The following AKAP19 variants were observed in gnomAD, a reference collection of about 807,000 sequenced individuals.
AKAP19 encodes the protein A-kinase anchoring protein 19, also known as small A-kinase anchoring protein.
At chr2:190,049,871 A>G in the AKAP19 span, among the ~76,000 whole-genome samples, 2,199 of 152,324 alleles carry the variant, frequency 0.014, 62 homozygotes, top group African/African-American at 0.05. Flanking sequence ...GGATACACAT[A>G]TATATCTACT....
chr2:190,108,775 T>G, the AKAP19 span, among the ~76,000 whole-genome samples: 1 of 139,504 alleles, frequency 7.2e-6, no homozygotes, highest in African/African-American at 2.6e-5. Flanking sequence ...CTATTTTGCC[T>G]GTTTGCGGTT....
chr2:189,917,689 G>C, the AKAP19 span: 1 of 250,398 alleles, frequency 4.0e-6, no homozygotes, highest in Non-Finnish European at 7.9e-6. Context: ...GGTTGATCTT[G>C]AGAAGTTATT....
the AKAP19 span, among the ~76,000 whole-genome samples, chr2:189,900,113 A>G: frequency 6.6e-6 from 1 of 152,210 alleles, no homozygotes; most frequent in Non-Finnish European, 1.5e-5. Flanking sequence ...GCAGCATATT[A>G]TTTCATTATA....
At chr2:190,004,590 T>C in the AKAP19 span, among the ~76,000 whole-genome samples, 5 of 152,084 alleles carry the variant, frequency 3.3e-5, no homozygotes, top group Admixed American at 3.3e-4. Flanking sequence ...TTTATTTTTT[T>C]TTTTTGAGAG....
chr2:190,066,577 G>A, the AKAP19 span, among the ~76,000 whole-genome samples: 3 of 152,118 alleles, frequency 2.0e-5, no homozygotes, highest in Non-Finnish European at 2.9e-5. Context: ...AATCTGCATA[G>A]TACTCAACTC....
chr2:190,044,725 G>C, the AKAP19 span, among the ~76,000 whole-genome samples: 460 of 152,324 alleles, frequency 3.0e-3, no homozygotes, highest in Non-Finnish European at 4.6e-3. Flanking sequence ...TTGGGGCCTA[G>C]TTGCCTAGGC....
the AKAP19 span, among the ~76,000 whole-genome samples, chr2:190,025,722 A>G: frequency 6.6e-6 from 1 of 152,184 alleles, no homozygotes; most frequent in Non-Finnish European, 1.5e-5. Context: ...CATCGATATA[A>G]CTGAAACTCT....
At chr2:189,966,426 A>G in the AKAP19 span, among the ~76,000 whole-genome samples, 1,453 of 152,194 alleles carry the variant, frequency 9.5e-3, 28 homozygotes, top group African/African-American at 0.032. Flanking sequence ...CCTTCAAAGG[A>G]CAATAAAGCA....
chr2:190,007,514 T>C, the AKAP19 span, among the ~76,000 whole-genome samples: 44 of 152,274 alleles, frequency 2.9e-4, no homozygotes, highest in Middle Eastern at 3.4e-3. Context: ...TTAGGATGTT[T>C]TTAATTTAGA....
chr2:189,949,245 G>A, the AKAP19 span, among the ~76,000 whole-genome samples: 1 of 152,120 alleles, frequency 6.6e-6, no homozygotes, highest in Non-Finnish European at 1.5e-5. Flanking sequence ...TAGATGTGGA[G>A]TGCTGACTGT....
the AKAP19 span, among the ~76,000 whole-genome samples, chr2:190,158,212 G>C: frequency 6.6e-6 from 1 of 152,098 alleles, no homozygotes; most frequent in Non-Finnish European, 1.5e-5. Flanking sequence ...TTGTGCACTC[G>C]GGGAGCTCGG....
the AKAP19 span, among the ~76,000 whole-genome samples, chr2:189,973,689 A>G: frequency 6.6e-6 from 1 of 152,142 alleles, no homozygotes; most frequent in African/African-American, 2.4e-5. Flanking sequence ...CAGGGATTCA[A>G]CTTCTTCCTG....
chr2:189,894,707 T>C, the AKAP19 span, among the ~76,000 whole-genome samples: 1 of 150,994 alleles, frequency 6.6e-6, no homozygotes, highest in South Asian at 2.1e-4. Context: ...TGTTAATATA[T>C]AGAAAAATTA....
At chr2:190,103,783 A>G in the AKAP19 span, among the ~76,000 whole-genome samples, 44,323 of 152,162 alleles carry the variant, frequency 0.29, 7,727 homozygotes, top group African/African-American at 0.49. Context: ...TACAGATTCA[A>G]TATTCCTATC....
the AKAP19 span, among the ~76,000 whole-genome samples, chr2:190,058,229 T>C: frequency 6.6e-6 from 1 of 152,028 alleles, no homozygotes; most frequent in Non-Finnish European, 1.5e-5. Flanking sequence ...ATTTAAAAAT[T>C]TGTTGATTCT....
At chr2:189,976,892 A>G in the AKAP19 span, among the ~76,000 whole-genome samples, 1 of 152,264 alleles carries the variant, frequency 6.6e-6, no homozygotes, top group East Asian at 1.9e-4. Context: ...TCCCTTGGCT[A>G]GGAAAGGGAA....
the AKAP19 span, among the ~76,000 whole-genome samples, chr2:190,042,847 A>T: frequency 1.3e-4 from 19 of 151,986 alleles, no homozygotes; most frequent in Non-Finnish European, 2.4e-4. Flanking sequence ...TTTCTTTTCT[A>T]TATTTATGCT....
chr2:190,054,895 T>C, the AKAP19 span, among the ~76,000 whole-genome samples: 1 of 152,180 alleles, frequency 6.6e-6, no homozygotes, highest in Non-Finnish European at 1.5e-5. Flanking sequence ...GTAAACTAGT[T>C]CAACCATTGT....
the AKAP19 span, among the ~76,000 whole-genome samples, chr2:189,893,671 G>A: frequency 1.5e-4 from 23 of 152,102 alleles, no homozygotes; most frequent in African/African-American, 5.1e-4. Flanking sequence ...TTCGGCCATC[G>A]TGCCAGCCAC....
Sources: allele counts gnomAD v4.1 joint callset (sites outside exome capture counted in the v4.1 genomes callset), GRCh38; gene constraint gnomAD v4.1.1; transcripts MANE v1.5; gene names NCBI Gene and HGNC (gene_info 2026-07-23, HGNC 2026-07-21).